The following PRKG1 variants were observed in gnomAD, a reference collection of about 807,000 sequenced individuals.
The protein encoded by PRKG1 is cGMP-dependent protein kinase 1.
Under a neutral mutation model 88.1 loss-of-function variants are expected in PRKG1, and 35 were observed. The ratio of observed to expected loss-of-function variants is 0.40; its 90% CI spans 0.30 to 0.53. The LOEUF (loss-of-function observed/expected upper bound fraction) is 0.53, where lower values mean the gene tolerates loss of function less well. Among genes scored for constraint, PRKG1 ranks in the 20% least tolerant of loss-of-function variants. The probability of loss-of-function intolerance (pLI) is 0.59; values close to 1 mark genes in which losing one functional copy is unlikely to be tolerated. For synonymous variants in PRKG1, 303 were observed against 292.5 expected, an observed-to-expected ratio of 1.04 and a Z score of -0.37; for missense variants, 540 against 839.8, an observed-to-expected ratio of 0.64 and a Z score of 4.41.
Position 52,257,320 on chromosome 10 carries a change from T to C in PRKG1, c.1173+5654T>C, listed in dbSNP as rs568389202. On this transcript the variant is annotated intron_variant, in intron 10 of 17. Coordinates refer to ENST00000373980, the MANE Select transcript of PRKG1 (RefSeq NM_006258.4). ...ACAAGCAAGCAGGCTTGGAGTGCTA[T>C]GTAAACCAATTGAAAAAAAAATAGA... is the stretch of plus-strand genomic sequence containing the variant. 2.9e-5 allele frequency among the ~76,000 whole-genome samples: 4 copies of C among 139,110 alleles called. 2 individuals are homozygous for C. In the South Asian group the frequency reaches 9.3e-4, roughly 32 times the overall value. The allele number at this position is 139,110 out of a possible 152,430, so 91.3% of individuals were successfully genotyped here. A position where few individuals can be genotyped will look rare whatever the true frequency, so the allele number is the denominator to read the frequency against.
At chr10:51,789,978 C>T (rs1177110783) in intron 3 of PRKG1, among the ~76,000 whole-genome samples, 3 of 152,122 alleles carry the variant, frequency 2.0e-5, no homozygotes, top group East Asian at 1.9e-4. Context: ...CCCACTGCCA[C>T]GCTCAGCTAA....
At chr10:51,565,451 G>A (rs922871783) in intron 3 of PRKG1, among the ~76,000 whole-genome samples, 2 of 151,938 alleles carry the variant, frequency 1.3e-5, no homozygotes, top group African/African-American at 4.8e-5. Context: ...AAAATGTAAA[G>A]CATACATCAA....
chr10:51,714,804 A>G (rs2132439796), intron 3 of PRKG1, among the ~76,000 whole-genome samples: 1 of 152,354 alleles, frequency 6.6e-6, no homozygotes, highest in African/African-American at 2.4e-5. Flanking sequence ...ACCTAAATAT[A>G]TATTAACAGT....
In PRKG1 at chr10:51,284,815, A is replaced by G. The variant is rs185451333; in HGVS notation, c.478+131485A>G. 3.1e-3 allele frequency among the ~76,000 whole-genome samples: 465 copies of G among 150,658 alleles called. 1 individual carries two copies. The highest frequency in any genetic ancestry group is 7.1e-3 in the Middle Eastern group (2 of 282). On this transcript the variant is annotated intron_variant, in intron 2 of 17. Transcript: ENST00000373980. ...ATGCAGTTGAATATCTGAGATAGAT[A>G]AAATAATGCCTTATATTGTGTTCTG...
At chr10:51,464,697 C>A (rs1298350238) in intron 2 of PRKG1, among the ~76,000 whole-genome samples, 1 of 151,334 alleles carries the variant, frequency 6.6e-6, no homozygotes, top group African/African-American at 2.4e-5. Flanking sequence ...CGAGACCATC[C>A]CGGCTAAAAC....
At chr10:51,837,769 T>C (rs1840168628) in intron 4 of PRKG1, among the ~76,000 whole-genome samples, 2 of 152,226 alleles carry the variant, frequency 1.3e-5, no homozygotes, top group Admixed American at 1.3e-4. Context: ...GTATCTTTTG[T>C]CTCCATAACC....
chr10:51,611,330 G>A (rs1564572304), intron 3 of PRKG1, among the ~76,000 whole-genome samples: 1 of 151,434 alleles, frequency 6.6e-6, no homozygotes, highest in East Asian at 1.9e-4. Context: ...ACTAGGGTGA[G>A]ATGATATCTC....
chr10:51,004,896 G>T (rs1486309755), intron 1 of PRKG1, among the ~76,000 whole-genome samples: 3 of 151,996 alleles, frequency 2.0e-5, no homozygotes, highest in Admixed American at 6.6e-5. Context: ...ATAAATTTTT[G>T]ATATTCTAGC....
chr10:51,627,971 T>TTC (rs59134788), intron 3 of PRKG1, among the ~76,000 whole-genome samples: 9 of 1,964 alleles, frequency 4.6e-3, no homozygotes, highest in Admixed American at 0.026. Context: ...TCTTTCTTTC[T>TTC]CTTTCTTTCT....
intron 5 of PRKG1, among the ~76,000 whole-genome samples, chr10:52,020,278 C>T (rs1326972995): frequency 3.3e-5 from 5 of 152,168 alleles, no homozygotes; most frequent in African/African-American, 1.2e-4. Flanking sequence ...CTCCCTTCAA[C>T]ACAGGAACTG....
chr10:51,409,622 A>C (rs140681237), intron 2 of PRKG1, among the ~76,000 whole-genome samples: 37 of 152,134 alleles, frequency 2.4e-4, no homozygotes, highest in Non-Finnish European at 2.9e-4. Flanking sequence ...GGGGAGGCTG[A>C]GGAGGGTGGA....
rs537684375 is a variant in PRKG1 at position 51,847,691 on chromosome 10, A to G, written c.698+43001A>G. 4.6e-5 allele frequency among the ~76,000 whole-genome samples: 7 copies of G among 151,100 alleles called. No homozygotes were observed. The South Asian group carries it at 8.4e-4, about 18-fold the overall frequency. ...GACAGTTTTTTTCTCCTCTCTCACC[A>G]TACACATGGAAACAGTGAGTTAAAA... On this transcript the variant is annotated intron_variant, in intron 4 of 17. Coordinates refer to ENST00000373980, the MANE Select transcript of PRKG1 (RefSeq NM_006258.4).
Position 52,220,733 on chromosome 10 carries a change from G to C in PRKG1, c.1077-30837G>C, listed in dbSNP as rs111459979. Among the ~76,000 whole-genome samples, 387 of 152,176 alleles carry C rather than the reference G, an allele frequency of 2.5e-3. 1 individual carries two copies. Among genetic ancestry groups the C allele is most frequent in the African/African-American group, 8.9e-3 (370 of 41,530 alleles). The stretch of plus-strand genomic sequence containing the variant: ...GGCCTCCACCTCCACCCATGTTCCT[G>C]CAGAGGACAGGATTTCATTATTTTT... On this transcript the variant is annotated intron_variant, in intron 9 of 17. Coordinates refer to ENST00000373980, the MANE Select transcript of PRKG1 (RefSeq NM_006258.4).
At chr10:51,973,592 T>C (rs1843759931) in intron 5 of PRKG1, among the ~76,000 whole-genome samples, 1 of 152,232 alleles carries the variant, frequency 6.6e-6, no homozygotes, top group South Asian at 2.1e-4. Context: ...TCCATAGTGC[T>C]CTTGGCATTG....
At chr10:51,210,178 A>G (rs1233296524) in intron 2 of PRKG1, among the ~76,000 whole-genome samples, 3 of 152,210 alleles carry the variant, frequency 2.0e-5, no homozygotes, top group African/African-American at 7.2e-5. Context: ...AAACCACTCA[A>G]CTGCATGGAA....
chr10:52,077,494 A>G (rs1476153966), intron 7 of PRKG1, among the ~76,000 whole-genome samples: 1 of 152,192 alleles, frequency 6.6e-6, no homozygotes. Flanking sequence ...AAACCTTTGT[A>G]GATGATGGAT....
chr10:52,037,744 T>C (rs1193856684), intron 5 of PRKG1, among the ~76,000 whole-genome samples: 1 of 150,228 alleles, frequency 6.7e-6, no homozygotes, highest in Non-Finnish European at 1.5e-5. Flanking sequence ...GGAGGGGAGG[T>C]GATGAAAAGA....
intron 3 of PRKG1, among the ~76,000 whole-genome samples, chr10:51,668,625 G>C (rs1840480771): frequency 6.6e-6 from 1 of 151,946 alleles, no homozygotes; most frequent in Non-Finnish European, 1.5e-5. Flanking sequence ...GACACAGCTG[G>C]TTCATAGTTA....
chr10:51,929,210 G>A (rs1283422680), intron 5 of PRKG1, among the ~76,000 whole-genome samples: 3 of 152,234 alleles, frequency 2.0e-5, no homozygotes, highest in Non-Finnish European at 2.9e-5. Context: ...TATCAGTAAT[G>A]TTAAGGCAAA....
Sources: allele counts gnomAD v4.1 joint callset (sites outside exome capture counted in the v4.1 genomes callset), GRCh38; gene constraint gnomAD v4.1.1; transcripts MANE v1.5; gene names NCBI Gene and HGNC (gene_info 2026-07-23, HGNC 2026-07-21).